Variants in CENPU observed in about 807,000 individuals in gnomAD.
CENPU encodes the protein KSHV latent nuclear antigen interacting protein 1.
CENPU carries 46 observed loss-of-function variants against 56.7 expected under a neutral mutation model. The observed-to-expected ratio is 0.81, with a 90% CI of 0.64 to 1.04. The LOEUF (loss-of-function observed/expected upper bound fraction) is 1.04. CENPU is among the 50% of genes least tolerant of loss of function. The pLI is 0.00. For missense variants in CENPU, 510 were observed against 490.1 expected (o/e 1.04, Z -0.38); for synonymous variants, 166 against 163.0 (o/e 1.02, Z -0.14).
At chr4:184,721,342 C>A (rs1761266678) in intron 4 of CENPU, among the ~76,000 whole-genome samples, 1 of 150,534 alleles carries the variant, frequency 6.6e-6, no homozygotes. Flanking sequence ...AAGAGAGGGC[C>A]ACAAAACAAT....
chr4:184,723,175 G>A (rs1354981912), intron 4 of CENPU, among the ~76,000 whole-genome samples: 1 of 152,166 alleles, frequency 6.6e-6, no homozygotes, highest in Admixed American at 6.5e-5. Flanking sequence ...GTAGAAGAAT[G>A]AGAAAGCTCC....
chr4:184,734,066 G>GCCGCTCT lies in CENPU; in HGVS notation c.-11_-5dup, dbSNP rs1561152123. The GCCGCTCT allele has an allele frequency of 9.7e-6, 15 of 1,554,298 alleles. No individual in the cohort carries two copies. The highest frequency in any genetic ancestry group is 1.7e-4 in the Middle Eastern group (1 of 5,720). On this transcript the variant is annotated 5_prime_UTR_variant, in exon 1 of 13. Transcript: ENST00000281453. ...GCCGCCGCCCCCGCGGGGCCATGGTGCCGCTCTCCGCTCTCGAGCGACTGG... is the reference window on the plus strand; with the variant it reads ...GCCGCCGCCCCCGCGGGGCCATGGTGCCGCTCTCCGCTCTCCGCTCTCGAGCGACTGG...
At position 184,694,477 on chromosome 4, in the gene CENPU, A is replaced by G. The variant is rs377613591; in HGVS notation, c.*811T>C. 2.4e-4 allele frequency: 384 copies of G among 1,584,760 alleles called. No individual in the cohort carries two copies. The highest frequency in any genetic ancestry group is 3.2e-4 in the Non-Finnish European group (373 of 1,162,842). Reference sequence around the variant, plus strand: ...AGGTTAAATCACATATCCTGAGTAAATATTTTCCTATCCCACTCTCTATCC... The same window carrying G: ...AGGTTAAATCACATATCCTGAGTAAGTATTTTCCTATCCCACTCTCTATCC... On this transcript the variant is annotated 3_prime_UTR_variant, in exon 13 of 13. Coordinates refer to ENST00000281453, the MANE Select transcript of CENPU (RefSeq NM_024629.4).
chr4:184,700,850 C>T lies in CENPU; in HGVS notation c.956G>A (p.Arg319His), dbSNP rs560370740. Residue 319 changes from arginine to histidine, a missense_variant, in exon 11 of 13, where the codon CGT (arginine) becomes CAT (histidine). Arg to His is a conservative substitution (Grantham distance 29). Coordinates refer to ENST00000281453, the MANE Select transcript of CENPU (RefSeq NM_024629.4). ...CAGTTCATCCTGGACTTCAATCATACGCTGCCTTTTCTTTTCGATATCTGA... is the reference window on the plus strand; with the variant it reads ...CAGTTCATCCTGGACTTCAATCATATGCTGCCTTTTCTTTTCGATATCTGA... ...MISDIEKKRQ[R>H]MIEVQDELLR... 1.2e-4 allele frequency: 190 copies of T among 1,613,848 alleles called. No individual in the cohort carries two copies. Among genetic ancestry groups the T allele is most frequent in the Non-Finnish European group, 1.4e-4 (165 of 1,179,744 alleles).
chr4:184,709,154 T>C (rs1760834009), intron 8 of CENPU, among the ~76,000 whole-genome samples: 1 of 151,930 alleles, frequency 6.6e-6, no homozygotes, highest in Non-Finnish European at 1.5e-5. Flanking sequence ...AAATTAAAAT[T>C]TAAGGTCGCA....
At chr4:184,729,762 G>A (rs532896244) in intron 2 of CENPU, among the ~76,000 whole-genome samples, 1 of 152,244 alleles carries the variant, frequency 6.6e-6, no homozygotes, top group South Asian at 2.1e-4. Flanking sequence ...CTGACTAAAG[G>A]ACACCAGGGT....
At position 184,711,135 on chromosome 4, in the gene CENPU, T is replaced by G. The variant is rs9991894; in HGVS notation, c.689-955A>C. Among the ~76,000 whole-genome samples, 1,484 of 152,238 alleles carry G rather than the reference T, an allele frequency of 9.7e-3. 31 individuals carry two copies. Among genetic ancestry groups the G allele is most frequent in the South Asian group, 0.04 (195 of 4,822 alleles). ...CCTCCCAAAGTGCTGGGATTACGGG[T>G]GCACCCACCATGCCCGGCCCCCAAT... On this transcript the variant is annotated intron_variant, in intron 7 of 12. Transcript: ENST00000281453.
chr4:184,697,006 G>C (rs1003422252), intron 12 of CENPU, among the ~76,000 whole-genome samples: 1 of 150,406 alleles, frequency 6.6e-6, no homozygotes, highest in Non-Finnish European at 1.5e-5. Flanking sequence ...TCAGCCTCCT[G>C]AGTAGCTGGG....
At chr4:184,733,365 G>A (rs548149201) in intron 1 of CENPU, 2 of 987,970 alleles carry the variant, frequency 2.0e-6, no homozygotes, top group South Asian at 4.6e-5. Flanking sequence ...CTTGGCGTAT[G>A]GCTTTGTGCA....
At chr4:184,729,776 G>C (rs1222315057) in intron 2 of CENPU, among the ~76,000 whole-genome samples, 1 of 152,166 alleles carries the variant, frequency 6.6e-6, no homozygotes, top group Non-Finnish European at 1.5e-5. Flanking sequence ...CCAGGGTTTA[G>C]AGTTCAATAT....
At chr4:184,730,349 G>A (rs1438534457) in intron 2 of CENPU, among the ~76,000 whole-genome samples, 2 of 151,890 alleles carry the variant, frequency 1.3e-5, no homozygotes, top group East Asian at 3.9e-4. Context: ...TGCAGGCTGG[G>A]GTTAAGGACT....
intron 4 of CENPU, among the ~76,000 whole-genome samples, chr4:184,723,493 T>C (rs1761345423): frequency 6.8e-6 from 1 of 146,992 alleles, no homozygotes; most frequent in Admixed American, 6.7e-5. Flanking sequence ...TTCACCACTG[T>C]TTAAAGTAGA....
chr4:184,717,423 T>G (rs1280579486), intron 4 of CENPU, among the ~76,000 whole-genome samples: 1 of 152,242 alleles, frequency 6.6e-6, no homozygotes, highest in African/African-American at 2.4e-5. Context: ...GTTCCATTAC[T>G]GCAGCACCTG....
Position 184,694,598 on chromosome 4 carries a change from G to A in CENPU, c.*690C>T. ...CAGAATCCTCATAAACCATCACCTA[G>A]CAGGCTGTCAACAGGTGCATCTGCT... is the stretch of plus-strand genomic sequence containing the variant. On this transcript the variant is annotated 3_prime_UTR_variant, in exon 13 of 13. Coordinates refer to ENST00000281453, the MANE Select transcript of CENPU (RefSeq NM_024629.4). 1.2e-6 allele frequency: 2 copies of A among 1,614,116 alleles called. No individual in the cohort carries two copies. The highest frequency in any genetic ancestry group is 1.1e-5 in the South Asian group (1 of 91,076).
chr4:184,733,896 C>T (rs1372771089), intron 1 of CENPU, 120 bp downstream of exon 1: 28 of 1,358,228 alleles, frequency 2.1e-5, no homozygotes, highest in Non-Finnish European at 2.4e-5. Context: ...GGGCGATTGG[C>T]CACTCGGGCG....
rs1579757678 is a variant in CENPU, at chr4:184,700,844, A to G, written c.962T>C (p.Ile321Thr). The G allele has an allele frequency of 6.2e-7, 1 of 1,614,016 alleles. No homozygotes were observed. Among genetic ancestry groups the G allele is most frequent in the Non-Finnish European group, 8.5e-7 (1 of 1,179,842 alleles). ...SDIEKKRQRM[I>T]EVQDELLRLE... ...CCGAAGCAGTTCATCCTGGACTTCA[A>G]TCATACGCTGCCTTTTCTTTTCGAT... The change falls in exon 11 of 13, where the codon ATT becomes ACT. Residue 321 changes from isoleucine to threonine, a missense_variant. Physicochemically the swap from Ile to Thr is moderately conservative, Grantham distance 89. Coordinates refer to ENST00000281453, the MANE Select transcript of CENPU (RefSeq NM_024629.4).
intron 8 of CENPU, among the ~76,000 whole-genome samples, chr4:184,708,180 G>A (rs1337617795): frequency 2.8e-5 from 4 of 141,118 alleles, no homozygotes; most frequent in Admixed American, 7.8e-5. Flanking sequence ...CTGAGATCGC[G>A]CTACGGCACT....
chr4:184,710,210 G>T, intron 7 of CENPU, 30 bp from the exon 8 acceptor site: 2 of 1,471,092 alleles, frequency 1.4e-6, no homozygotes, highest in Non-Finnish European at 1.9e-6. Context: ...TAACATGCTG[G>T]TTATTCATAT....
intron 1 of CENPU, 89 bp from the exon 2 acceptor site, chr4:184,731,057 A>T: frequency 2.5e-6 from 2 of 807,914 alleles, no homozygotes; most frequent in East Asian, 3.7e-5. Context: ...GCGCATTTTT[A>T]CCAAAAAAAA....
Sources: allele counts gnomAD v4.1 joint callset (sites outside exome capture counted in the v4.1 genomes callset), GRCh38; gene constraint gnomAD v4.1.1; transcripts MANE v1.5; gene names NCBI Gene and HGNC (gene_info 2026-07-23, HGNC 2026-07-21).